The following WIPF2 variants were observed in gnomAD, a reference collection of about 807,000 sequenced individuals.
WIPF2 encodes WAS/WASL interacting protein family member 2, also known as WAS/WASL-interacting protein family member 2.
WIPF2 carries 23 observed loss-of-function variants against 38.8 expected under a neutral mutation model. That is an observed-to-expected ratio of 0.59 (90% CI 0.43 to 0.84). The LOEUF (loss-of-function observed/expected upper bound fraction) is 0.84. WIPF2 is among the 40% of genes least tolerant of loss of function. The pLI is 0.00. For missense variants in WIPF2, 574 were observed against 580.5 expected (o/e 0.99, Z 0.11); for synonymous variants, 210 against 223.2 (o/e 0.94, Z 0.53).
rs191500311 is a variant in WIPF2, at chr17:40,236,352, C to A, written c.-70+16860C>A. Among the ~76,000 whole-genome samples the A allele has an allele frequency of 2.2e-4, 33 of 150,018 alleles. No individual in the cohort carries two copies. In the East Asian group the frequency reaches 6.5e-3, roughly 29 times the overall value. ...TTGTGGTCTTCTAACCTTTTTTTTT[C>A]TTTTGAGACAGAGAATTGCTCTGTT... On this transcript the variant is annotated intron_variant, in intron 1 of 7. Transcript: ENST00000323571.
chr17:40,247,120 A>G (rs1364579260), intron 1 of WIPF2, among the ~76,000 whole-genome samples: 2 of 152,170 alleles, frequency 1.3e-5, no homozygotes, highest in African/African-American at 4.8e-5. Context: ...TCTCAAAACA[A>G]ACAAACAAAA....
At chr17:40,243,057 G>A (rs953042650) in intron 1 of WIPF2, among the ~76,000 whole-genome samples, 6 of 152,164 alleles carry the variant, frequency 3.9e-5, no homozygotes, top group Non-Finnish European at 8.8e-5. Flanking sequence ...TTGAACACAG[G>A]AGTAGACTTC....
intron 7 of WIPF2, 90 bp downstream of exon 7, chr17:40,277,274 C>A: frequency 1.8e-6 from 2 of 1,102,130 alleles, no homozygotes; most frequent in Non-Finnish European, 2.6e-6. Context: ...TCTCGCTGGG[C>A]ACAGTGGCTC....
intron 1 of WIPF2, among the ~76,000 whole-genome samples, chr17:40,238,069 GAA>G (rs111646102): frequency 3.2e-4 from 44 of 137,498 alleles, no homozygotes; most frequent in African/African-American, 1.1e-3. Flanking sequence ...CGTCTCAAAA[GAA>G]AAAAAAAAAG....
At chr17:40,272,283 T>C (rs545226070) in intron 5 of WIPF2, among the ~76,000 whole-genome samples, 3 of 152,112 alleles carry the variant, frequency 2.0e-5, no homozygotes, top group Non-Finnish European at 4.4e-5. Flanking sequence ...CCTCCCAAAG[T>C]GCTGGGATTA....
intron 1 of WIPF2, among the ~76,000 whole-genome samples, chr17:40,222,638 A>T (rs1342691094): frequency 9.2e-5 from 7 of 75,980 alleles, no homozygotes; most frequent in African/African-American, 2.0e-4. Flanking sequence ...ACTGGTTTTG[A>T]TTTGATGCAT....
At chr17:40,220,411 T>TAAAA (rs2030127559) in intron 1 of WIPF2, 1 of 150,848 alleles carries the variant, frequency 6.6e-6, no homozygotes, top group African/African-American at 2.4e-5. Flanking sequence ...TTTTTTCTTT[T>TAAAA]AAGAGACGTG....
intron 3 of WIPF2, 184 bp downstream of exon 3, chr17:40,260,851 C>G (rs753612565): frequency 1.6e-5 from 13 of 826,416 alleles, no homozygotes; most frequent in Non-Finnish European, 2.5e-5. Context: ...GAGAGCATCT[C>G]AGGATTAAGG....
At position 40,282,099 on chromosome 17, in the gene WIPF2, C is replaced by CA. The variant is rs1289429597; in HGVS notation, c.*3878dup. 1.0e-5 allele frequency: 1 copy of CA among 95,716 alleles called. No homozygotes were observed. Among genetic ancestry groups the CA allele is most frequent in the Non-Finnish European group, 1.9e-5 (1 of 52,746 alleles). The allele number at this position is 95,716 out of a possible 1,614,324, so 5.9% of individuals were successfully genotyped here. Reference sequence around the variant, plus strand: ...AACGAAACAAAACTACAACCACCATCAAAACCACACGCAAAAAAAAAAAAA... The same window carrying CA: ...AACGAAACAAAACTACAACCACCATCAAAAACCACACGCAAAAAAAAAAAAA... On this transcript the variant is annotated 3_prime_UTR_variant, in exon 8 of 8. Transcript: ENST00000323571.
intron 1 of WIPF2, among the ~76,000 whole-genome samples, chr17:40,253,219 C>T (rs2031614612): frequency 2.0e-5 from 3 of 151,956 alleles, no homozygotes; most frequent in South Asian, 2.1e-4. Context: ...TCTGCCACCA[C>T]ACCCAGCTAA....
At chr17:40,253,661 C>T (rs1393368304) in intron 1 of WIPF2, among the ~76,000 whole-genome samples, 3 of 152,154 alleles carry the variant, frequency 2.0e-5, no homozygotes, top group Admixed American at 6.6e-5. Context: ...GGGAATTTAT[C>T]GGCTTATTTC....
intron 1 of WIPF2, among the ~76,000 whole-genome samples, chr17:40,252,429 C>T (rs1207663222): frequency 2.0e-5 from 3 of 151,998 alleles, no homozygotes; most frequent in East Asian, 3.9e-4. Context: ...TTTGGGTGGC[C>T]GAGGCGTGAG....
At chr17:40,235,960 A>C (rs949385408) in intron 1 of WIPF2, among the ~76,000 whole-genome samples, 1 of 150,986 alleles carries the variant, frequency 6.6e-6, no homozygotes, top group African/African-American at 2.4e-5. Context: ...TGGATTAAAA[A>C]AATTTTTTTT....
chr17:40,256,315 C>A, intron 1 of WIPF2, 76 bp from the exon 2 acceptor site: 1 of 1,210,158 alleles, frequency 8.3e-7, no homozygotes, highest in Non-Finnish European at 1.1e-6. Context: ...GATTACCATG[C>A]CCAGTTCTCT....
intron 5 of WIPF2, among the ~76,000 whole-genome samples, chr17:40,272,471 T>TA (rs1202083235): frequency 6.6e-6 from 1 of 152,240 alleles, no homozygotes; most frequent in East Asian, 1.9e-4. Context: ...ATGAGACTGT[T>TA]ACTGGACATA....
chr17:40,234,076 TA>T (rs111451831), intron 1 of WIPF2, among the ~76,000 whole-genome samples: 2 of 146,198 alleles, frequency 1.4e-5, no homozygotes, highest in African/African-American at 2.5e-5. Context: ...AAAATAATAA[TA>T]AAAAAAACAG....
At chr17:40,226,210 T>A (rs1403048746) in intron 1 of WIPF2, among the ~76,000 whole-genome samples, 19 of 103,370 alleles carry the variant, frequency 1.8e-4, no homozygotes, top group African/African-American at 4.2e-4. Context: ...AAAAAAAAAT[T>A]TTTTTTTTTT....
chr17:40,273,865 A>G lies in WIPF2; in HGVS notation c.1046A>G (p.His349Arg). The G allele has an allele frequency of 6.9e-7, 1 of 1,444,370 alleles. No individual in the cohort carries two copies. Among genetic ancestry groups the G allele is most frequent in the Admixed American group, 2.0e-5 (1 of 50,728 alleles). 89.5% of individuals were successfully genotyped at this position (1,444,370 alleles called of 1,614,324 possible). ...APPPPPPYRM[H>R]GSEPPSRGKP... The stretch of plus-strand genomic sequence containing the variant: ...CCTCCCCCACCACCATACCGAATGC[A>G]TGGGTCAGAACCCCCGAGCCGAGGA... Residue 349 changes from histidine (H) to arginine (R), a missense_variant, in exon 6 of 8, where the codon CAT (histidine) becomes CGT (arginine). By Grantham distance (29) the His-to-Arg change is conservative. Transcript: ENST00000323571.
chr17:40,233,048 G>A (rs2030816812), intron 1 of WIPF2, among the ~76,000 whole-genome samples: 1 of 152,174 alleles, frequency 6.6e-6, no homozygotes, highest in African/African-American at 2.4e-5. Flanking sequence ...CTGTGGGGTT[G>A]TTGATCACTG....
Sources: gnomAD v4.1 joint callset for allele counts (sites outside exome capture counted in the v4.1 genomes callset) on GRCh38, gnomAD v4.1.1 for gene constraint, MANE v1.5 for transcripts, NCBI Gene and HGNC (gene_info 2026-07-23, HGNC 2026-07-21) for gene names.